CAMTA1: variants seen among roughly 807,000 people sequenced by gnomAD.
CAMTA1 encodes calmodulin binding transcription activator 1.
A neutral mutation model predicts 170.9 loss-of-function variants in CAMTA1; 27 were observed. The ratio of observed to expected loss-of-function variants is 0.16; its 90% CI spans 0.12 to 0.22. The LOEUF (loss-of-function observed/expected upper bound fraction) is 0.22, where lower values mean the gene tolerates loss of function less well. Ranked by LOEUF, CAMTA1 falls within the 10% of genes least tolerant of loss-of-function variation. The probability of loss-of-function intolerance (pLI) is 1.00; values close to 1 mark genes in which losing one functional copy is unlikely to be tolerated. For synonymous variants in CAMTA1, 833 were observed against 891.5 expected (o/e 0.93, Z 1.17); for missense variants, 1,619 against 2,217.2 (o/e 0.73, Z 5.42).
At chr1:7,114,463 G>T (rs1046881913) in intron 4 of CAMTA1, among the ~76,000 whole-genome samples, 1 of 142,498 alleles carries the variant, frequency 7.0e-6, no homozygotes, top group Non-Finnish European at 1.5e-5. Flanking sequence ...ACAAAAAAAA[G>T]AGAATCACAA....
intron 6 of CAMTA1, among the ~76,000 whole-genome samples, chr1:7,522,966 A>T (rs1750820): frequency 6.6e-6 from 1 of 152,090 alleles, no homozygotes; most frequent in African/African-American, 2.4e-5. Flanking sequence ...TCCTGGATTC[A>T]AGTGATTCTC....
intron 3 of CAMTA1, among the ~76,000 whole-genome samples, chr1:6,972,643 G>T (rs931568168): frequency 2.6e-5 from 4 of 152,184 alleles, no homozygotes; most frequent in African/African-American, 9.7e-5. Flanking sequence ...GGGGCTGGCA[G>T]TTGGCCAGGG....
intron 4 of CAMTA1, among the ~76,000 whole-genome samples, chr1:7,188,026 G>A (rs1164945456): frequency 3.3e-5 from 5 of 152,212 alleles, no homozygotes; most frequent in Non-Finnish European, 4.4e-5. Context: ...CATGGTGGAA[G>A]CTAAGGGGAA....
chr1:7,494,283 C>G (rs1285014788), intron 6 of CAMTA1, among the ~76,000 whole-genome samples: 1 of 152,158 alleles, frequency 6.6e-6, no homozygotes, highest in African/African-American at 2.4e-5. Flanking sequence ...AAGGAAAACA[C>G]ATTTGCTATA....
rs1577295584 is a variant in CAMTA1 at position 7,736,212 on chromosome 1, C to G, written c.3067-132C>G. On this transcript the variant is annotated intron_variant, in intron 12 of 22. Transcript: ENST00000303635. The surrounding 1 kb of genome is among the most constrained non-coding windows in gnomAD (Gnocchi z 4.5). ...GATCCAGCATGCCCAGCCAATGTTT[C>G]TTTATTTTCAGTGTTTTATGTTTTC... 9.0e-5 allele frequency: 74 copies of G among 821,492 alleles called. No individual in the cohort carries two copies. In the East Asian group the frequency reaches 2.0e-3, roughly 22 times the overall value. The allele number at this position is 821,492 out of a possible 1,614,324, so 50.9% of individuals were successfully genotyped here. A position where few individuals can be genotyped will look rare whatever the true frequency, so the allele number is the denominator to read the frequency against.
At chr1:6,969,348 A>T (rs1692125315) in intron 3 of CAMTA1, among the ~76,000 whole-genome samples, 1 of 152,152 alleles carries the variant, frequency 6.6e-6, no homozygotes, top group Non-Finnish European at 1.5e-5. Context: ...AGGGGCAAGG[A>T]ACGCTGCAGA....
intron 5 of CAMTA1, among the ~76,000 whole-genome samples, chr1:7,305,398 C>A (rs1463613549): frequency 2.0e-5 from 3 of 151,808 alleles, no homozygotes; most frequent in African/African-American, 7.3e-5. Flanking sequence ...CAAAAAACCC[C>A]CCACTAAACC....
chr1:6,968,817 G>T (rs1005882771), intron 3 of CAMTA1, among the ~76,000 whole-genome samples: 2 of 152,144 alleles, frequency 1.3e-5, no homozygotes, highest in Admixed American at 6.5e-5. Context: ...ATCCTGGTCA[G>T]AGGGAACAGA....
At chr1:6,960,937 G>A (rs949430604) in intron 3 of CAMTA1, among the ~76,000 whole-genome samples, 3 of 152,200 alleles carry the variant, frequency 2.0e-5, no homozygotes. Flanking sequence ...TGTTTTACAG[G>A]TGAGGACACT....
At chr1:7,499,618 A>T (rs1437909902) in intron 6 of CAMTA1, among the ~76,000 whole-genome samples, 1 of 121,144 alleles carries the variant, frequency 8.3e-6, no homozygotes, top group African/African-American at 3.4e-5. Context: ...GTGTGTGTGC[A>T]TGAGTGAGTG....
chr1:7,116,085 T>G (rs1644312888), intron 4 of CAMTA1, among the ~76,000 whole-genome samples: 1 of 152,096 alleles, frequency 6.6e-6, no homozygotes, highest in Non-Finnish European at 1.5e-5. Flanking sequence ...ACATCAACCC[T>G]CATGCCCTCC....
chr1:6,794,023 A>C (rs1039293554), intron 1 of CAMTA1, among the ~76,000 whole-genome samples: 3 of 151,866 alleles, frequency 2.0e-5, no homozygotes, highest in Non-Finnish European at 4.4e-5. Flanking sequence ...GGAAAAAATT[A>C]CTCATTTATG....
chr1:7,368,228 G>A lies in CAMTA1; in HGVS notation c.439-99602G>A, dbSNP rs2086160348. Among the ~76,000 whole-genome samples, 10 of 146,064 alleles carry A rather than the reference G, an allele frequency of 6.8e-5. No homozygotes were observed. The South Asian group carries it at 1.8e-3, about 26-fold the overall frequency. ...GCACTCATGGTTTCATTGGGTGCAG[G>A]CACTGGGCATGGATGGTTTCATTGG... On this transcript the variant is annotated intron_variant, in intron 5 of 22. Coordinates refer to ENST00000303635, the MANE Select transcript of CAMTA1 (RefSeq NM_015215.4).
At chr1:7,639,077 C>A (rs760632167) in intron 6 of CAMTA1, among the ~76,000 whole-genome samples, 6 of 152,144 alleles carry the variant, frequency 3.9e-5, no homozygotes, top group Non-Finnish European at 7.4e-5. Flanking sequence ...CTCCCAGATT[C>A]ACGCCATTCT....
intron 3 of CAMTA1, among the ~76,000 whole-genome samples, chr1:6,848,569 A>G (rs1422987719): frequency 6.6e-6 from 1 of 152,204 alleles, no homozygotes; most frequent in Non-Finnish European, 1.5e-5. Context: ...AATCCATCCC[A>G]GAGGTAGTAA....
intron 5 of CAMTA1, among the ~76,000 whole-genome samples, chr1:7,412,773 GT>G (rs1168869427): frequency 2.0e-4 from 31 of 152,128 alleles, no homozygotes; most frequent in African/African-American, 7.2e-4. Context: ...GATCCCATTT[GT>G]CAATTTTGGC....
chr1:7,070,033 G>A (rs749941726), intron 3 of CAMTA1, among the ~76,000 whole-genome samples: 6 of 152,164 alleles, frequency 3.9e-5, no homozygotes, highest in Non-Finnish European at 7.3e-5. Context: ...GGGGATGTGC[G>A]GGGCCTCCGG....
intron 6 of CAMTA1, among the ~76,000 whole-genome samples, chr1:7,522,858 T>C (rs1415604619): frequency 1.3e-5 from 2 of 152,192 alleles, no homozygotes; most frequent in African/African-American, 4.8e-5. Flanking sequence ...TATTCTGTTC[T>C]GTTGATCTCT....
chr1:7,559,568 G>A (rs954653010), intron 6 of CAMTA1, among the ~76,000 whole-genome samples: 5 of 152,238 alleles, frequency 3.3e-5, no homozygotes, highest in Non-Finnish European at 7.3e-5. Flanking sequence ...ACAGCTCGGA[G>A]CCCTGCAGAA....
Sources: allele counts gnomAD v4.1 joint callset (sites outside exome capture counted in the v4.1 genomes callset), GRCh38; gene constraint gnomAD v4.1.1; non-coding constraint Gnocchi (gnomAD v3.1); transcripts MANE v1.5; gene names NCBI Gene and HGNC (gene_info 2026-07-23, HGNC 2026-07-21).